The following GRID1 variants were observed in gnomAD, a reference collection of about 807,000 sequenced individuals.
GRID1 encodes the protein glutamate receptor ionotropic, delta-1.
A neutral mutation model predicts 98.0 loss-of-function variants in GRID1; 28 were observed. The observed-to-expected ratio is 0.29, with a 90% CI of 0.21 to 0.39. The LOEUF is 0.39. Ranked by LOEUF, GRID1 falls within the 10% of genes least tolerant of loss-of-function variation. GRID1 has a pLI of 1.00. For synonymous variants in GRID1, 553 were observed against 538.5 expected, an observed-to-expected ratio of 1.03 and a Z score of -0.37; for missense variants, 1,111 against 1,340.5, an observed-to-expected ratio of 0.83 and a Z score of 2.67.
chr10:85,876,849 C>G (rs1011886232), intron 5 of GRID1, among the ~76,000 whole-genome samples: 14 of 152,198 alleles, frequency 9.2e-5, no homozygotes, highest in African/African-American at 3.1e-4. Context: ...GTTCCCTTTC[C>G]TAGTCAAAGA....
intron 2 of GRID1, among the ~76,000 whole-genome samples, chr10:86,340,972 G>A (rs769725671): frequency 1.1e-4 from 17 of 152,086 alleles, no homozygotes; most frequent in Non-Finnish European, 2.4e-4. Context: ...TTGACAGTGG[G>A]CCTGTCTGTC....
chr10:86,108,938 G>A (rs988206344), intron 4 of GRID1, among the ~76,000 whole-genome samples: 4 of 151,978 alleles, frequency 2.6e-5, no homozygotes, highest in South Asian at 2.1e-4. Flanking sequence ...TTCCCTCTCC[G>A]AGCCCCTCCC....
chr10:86,020,020 C>A (rs932063665), intron 4 of GRID1, among the ~76,000 whole-genome samples: 6 of 152,216 alleles, frequency 3.9e-5, no homozygotes, highest in African/African-American at 1.2e-4. Context: ...ATGGGGAAAA[C>A]CATGACAGAC....
chr10:86,000,880 A>C (rs1444021388), intron 4 of GRID1, among the ~76,000 whole-genome samples: 2 of 152,216 alleles, frequency 1.3e-5, no homozygotes, highest in Non-Finnish European at 2.9e-5. Flanking sequence ...AACAAGAATA[A>C]AAAATTCATA....
chr10:85,996,018 C>T (rs1178124463), intron 4 of GRID1, among the ~76,000 whole-genome samples: 2 of 152,212 alleles, frequency 1.3e-5, no homozygotes, highest in African/African-American at 2.4e-5. Context: ...TAGAAGAGCA[C>T]GGCAAATGCT....
At chr10:85,624,827 C>A (rs1438131948) in intron 13 of GRID1, among the ~76,000 whole-genome samples, 3 of 151,934 alleles carry the variant, frequency 2.0e-5, no homozygotes, top group Admixed American at 6.6e-5. Context: ...GAAAAAGTAA[C>A]CTAAATATAT....
At chr10:85,687,244 T>TA (rs570422294) in intron 12 of GRID1, among the ~76,000 whole-genome samples, 6,420 of 148,608 alleles carry the variant, frequency 0.043, 156 homozygotes, top group Middle Eastern at 0.055. Flanking sequence ...CAAAGTCAAG[T>TA]AAAAAAAAAA....
chr10:85,936,526 A>AT (rs1554841110), intron 4 of GRID1, among the ~76,000 whole-genome samples: 3 of 151,902 alleles, frequency 2.0e-5, no homozygotes, highest in Non-Finnish European at 4.4e-5. Flanking sequence ...ACTAAAAAAA[A>AT]AAAAGAAAAA....
chr10:85,774,212 C>G (rs1450121717), intron 8 of GRID1, among the ~76,000 whole-genome samples: 1 of 152,092 alleles, frequency 6.6e-6, no homozygotes, highest in East Asian at 1.9e-4. Context: ...CTGAGAAAAA[C>G]AAGCAATGGG....
intron 8 of GRID1, among the ~76,000 whole-genome samples, chr10:85,750,501 C>G (rs1842036299): frequency 6.6e-6 from 1 of 152,162 alleles, no homozygotes; most frequent in Non-Finnish European, 1.5e-5. Context: ...AATTAGCTAG[C>G]AAGCATGGAA....
intron 2 of GRID1, among the ~76,000 whole-genome samples, chr10:86,254,170 C>T (rs1846879481): frequency 6.6e-6 from 1 of 152,214 alleles, no homozygotes; most frequent in Non-Finnish European, 1.5e-5. Context: ...AACACTTTCC[C>T]TCAGCACCTG....
At chr10:86,179,738 A>C (rs879529298) in intron 3 of GRID1, among the ~76,000 whole-genome samples, 4 of 152,162 alleles carry the variant, frequency 2.6e-5, no homozygotes, top group Non-Finnish European at 5.9e-5. Flanking sequence ...CATCATGTCT[A>C]AATACACATA....
chr10:86,181,232 A>G (rs1845650947), intron 3 of GRID1, among the ~76,000 whole-genome samples: 1 of 152,204 alleles, frequency 6.6e-6, no homozygotes, highest in South Asian at 2.1e-4. Context: ...TCCCACTGCA[A>G]CCATCACTTT....
At position 85,760,348 on chromosome 10, in the gene GRID1, T is replaced by C. The variant is rs138984664; in HGVS notation, c.1234-30734A>G. ...TTATTATTGTCATTGGCCTGATTTG[T>C]GCAACTCACTGTAAGTGGAAATAGT... On this transcript the variant is annotated intron_variant, in intron 8 of 15. Transcript: ENST00000327946. Among the ~76,000 whole-genome samples the C allele has an allele frequency of 1.1e-4, 16 of 152,342 alleles. No individual in the cohort carries two copies. The East Asian group carries it at 2.1e-3, about 20-fold the overall frequency.
At chr10:86,232,871 A>G (rs1413412586) in intron 2 of GRID1, among the ~76,000 whole-genome samples, 1 of 152,214 alleles carries the variant, frequency 6.6e-6, no homozygotes, top group African/African-American at 2.4e-5. Context: ...CTCCCACAGC[A>G]GAGTAGCCTG....
At chr10:85,683,302 A>G (rs1841231790) in intron 12 of GRID1, among the ~76,000 whole-genome samples, 1 of 152,232 alleles carries the variant, frequency 6.6e-6, no homozygotes, top group African/African-American at 2.4e-5. Flanking sequence ...GTCAAAGTGA[A>G]TAGGGAGAAC....
At position 86,258,719 on chromosome 10, in the gene GRID1, C is replaced by G. The variant is rs1396102477; in HGVS notation, c.236-52071G>C. On this transcript the variant is annotated intron_variant, in intron 2 of 15. Coordinates refer to ENST00000327946, the MANE Select transcript of GRID1 (RefSeq NM_017551.3). ...ACATCATAAGGGCAGCTTGTAAATC[C>G]TCCCACAGAGAGAAGCAGTGGATAT... Among the ~76,000 whole-genome samples, 5 of 152,300 alleles carry G rather than the reference C, an allele frequency of 3.3e-5. No individual in the cohort carries two copies. In the East Asian group the frequency reaches 9.6e-4, roughly 29 times the overall value.
At chr10:85,972,214 A>G (rs1430722707) in intron 4 of GRID1, among the ~76,000 whole-genome samples, 1 of 151,464 alleles carries the variant, frequency 6.6e-6, no homozygotes, top group Non-Finnish European at 1.5e-5. Flanking sequence ...CTTGAATACA[A>G]CTCACATTCC....
At chr10:85,709,965 A>C (rs1305578220) in intron 12 of GRID1, among the ~76,000 whole-genome samples, 1 of 152,204 alleles carries the variant, frequency 6.6e-6, no homozygotes, top group East Asian at 1.9e-4. Context: ...ACCACAAAAC[A>C]TTGCTAAAAA....
Sources: allele counts gnomAD v4.1 joint callset (sites outside exome capture counted in the v4.1 genomes callset), GRCh38; gene constraint gnomAD v4.1.1; transcripts MANE v1.5; gene names NCBI Gene and HGNC (gene_info 2026-07-23, HGNC 2026-07-21).